Variants in EFCAB6 observed in about 807,000 individuals in gnomAD.
The protein encoded by EFCAB6 is EF-hand calcium-binding domain-containing protein 6.
A neutral mutation model predicts 169.8 loss-of-function variants in EFCAB6; 156 were observed. The observed-to-expected ratio is 0.92, with a 90% CI of 0.81 to 1.05. The LOEUF is 1.05. EFCAB6 is among the 50% of genes least tolerant of loss of function. The pLI, the probability that EFCAB6 is intolerant of heterozygous loss-of-function variation, is 0.00. For synonymous variants in EFCAB6, 698 were observed against 676.4 expected (o/e 1.03, Z -0.50); for missense variants, 1,800 against 1,829.1 (o/e 0.98, Z 0.29).
intron 30 of EFCAB6, among the ~76,000 whole-genome samples, chr22:43,534,039 G>C (rs1332397551): frequency 6.6e-6 from 1 of 152,212 alleles, no homozygotes; most frequent in Non-Finnish European, 1.5e-5. Context: ...GATTGCTTGA[G>C]CCCAGGAGTT....
intron 6 of EFCAB6, among the ~76,000 whole-genome samples, chr22:43,736,839 C>T (rs143925647): frequency 2.0e-5 from 3 of 152,068 alleles, no homozygotes; most frequent in Non-Finnish European, 4.4e-5. Flanking sequence ...CTTGTTATTA[C>T]GAAGGACTGC....
At chr22:43,743,645 G>T (rs2060449912) in intron 6 of EFCAB6, among the ~76,000 whole-genome samples, 1 of 152,174 alleles carries the variant, frequency 6.6e-6, no homozygotes, top group Non-Finnish European at 1.5e-5. Context: ...GGGATCAAAG[G>T]CTAAGAATAG....
At chr22:43,691,342 T>G (rs1186975420) in intron 10 of EFCAB6, among the ~76,000 whole-genome samples, 1 of 152,212 alleles carries the variant, frequency 6.6e-6, no homozygotes, top group Non-Finnish European at 1.5e-5. Context: ...AAACTATAGC[T>G]GCTATGAAAA....
At chr22:43,656,476 T>C (rs543338790) in intron 17 of EFCAB6, among the ~76,000 whole-genome samples, 31 of 152,214 alleles carry the variant, frequency 2.0e-4, no homozygotes, top group African/African-American at 6.3e-4. Context: ...ATGAACCCAA[T>C]TGACATGCTG....
At chr22:43,614,648 A>G (rs189819600) in intron 21 of EFCAB6, among the ~76,000 whole-genome samples, 2 of 152,338 alleles carry the variant, frequency 1.3e-5, no homozygotes, top group East Asian at 3.9e-4. Flanking sequence ...GCTGCTCTGA[A>G]AGTGGGCCAC....
chr22:43,593,814 A>G (rs981182210), intron 23 of EFCAB6, among the ~76,000 whole-genome samples: 12 of 152,210 alleles, frequency 7.9e-5, no homozygotes, highest in African/African-American at 2.4e-4. Flanking sequence ...CAAACAGGTA[A>G]GAGCAAGATG....
intron 17 of EFCAB6, among the ~76,000 whole-genome samples, chr22:43,646,813 C>T (rs2056186517): frequency 6.6e-6 from 1 of 152,124 alleles, no homozygotes; most frequent in Non-Finnish European, 1.5e-5. Flanking sequence ...CTTTTTTATT[C>T]TACCCAAAGT....
intron 2 of EFCAB6, among the ~76,000 whole-genome samples, chr22:43,800,144 A>G (rs1024671145): frequency 6.6e-6 from 1 of 152,238 alleles, no homozygotes; most frequent in Non-Finnish European, 1.5e-5. Flanking sequence ...CACATGCTGT[A>G]GGAGGTTTGT....
chr22:43,577,209 AT>A (rs966158654), intron 25 of EFCAB6, among the ~76,000 whole-genome samples: 5 of 152,150 alleles, frequency 3.3e-5, no homozygotes, highest in African/African-American at 7.2e-5. Context: ...AAGAAAGCAC[AT>A]TTTTTTCCAT....
chr22:43,583,380 T>C (rs776412701), intron 24 of EFCAB6, among the ~76,000 whole-genome samples: 2 of 151,716 alleles, frequency 1.3e-5, no homozygotes, highest in Non-Finnish European at 2.9e-5. Flanking sequence ...CCTGTTGCAA[T>C]AGTCGTTTCA....
intron 17 of EFCAB6, among the ~76,000 whole-genome samples, chr22:43,666,154 T>C (rs2057237524): frequency 6.6e-6 from 1 of 152,182 alleles, no homozygotes; most frequent in Non-Finnish European, 1.5e-5. Flanking sequence ...TGAGTCCTTC[T>C]TGAATCTATT....
At chr22:43,743,359 T>C (rs1302063543) in intron 6 of EFCAB6, among the ~76,000 whole-genome samples, 1 of 152,194 alleles carries the variant, frequency 6.6e-6, no homozygotes, top group African/African-American at 2.4e-5. Context: ...CCTCTTTGCC[T>C]CCTTCCTCTC....
rs753037765 is a variant in EFCAB6 at position 43,796,315 on chromosome 22, G to A, written c.-8+12680C>T. Among the ~76,000 whole-genome samples, 54 of 151,958 alleles carry A rather than the reference G, an allele frequency of 3.6e-4. 1 individual carries two copies. The highest frequency in any genetic ancestry group is 9.2e-4 in the Admixed American group (14 of 15,230). On this transcript the variant is annotated intron_variant, in intron 2 of 31. Coordinates refer to ENST00000262726, the MANE Select transcript of EFCAB6 (RefSeq NM_022785.4). ...TCGGGTTTGATCATGTGCTCAGCAC[G>A]TCAACCTCCAAAAAATGATGAATGT...
chr22:43,761,008 C>T (rs2061145537), intron 5 of EFCAB6, among the ~76,000 whole-genome samples: 1 of 152,210 alleles, frequency 6.6e-6, no homozygotes, highest in African/African-American at 2.4e-5. Flanking sequence ...GTGCTAGACA[C>T]AAAATATCAG....
intron 5 of EFCAB6, among the ~76,000 whole-genome samples, chr22:43,756,159 C>T (rs2060950378): frequency 6.6e-6 from 1 of 152,152 alleles, no homozygotes; most frequent in East Asian, 1.9e-4. Context: ...CTCTCAACAG[C>T]TCTATGGATT....
intron 9 of EFCAB6, among the ~76,000 whole-genome samples, chr22:43,713,246 G>A (rs868699359): frequency 1.3e-5 from 2 of 152,272 alleles, no homozygotes; most frequent in Middle Eastern, 3.4e-3. Flanking sequence ...TACGAGCAGA[G>A]ATCGTATCTG....
chr22:43,626,872 G>A (rs1259549843), intron 19 of EFCAB6, among the ~76,000 whole-genome samples, 193 bp from the exon 20 acceptor site: 1 of 152,096 alleles, frequency 6.6e-6, no homozygotes, highest in East Asian at 1.9e-4. Flanking sequence ...AAATTATAAA[G>A]CTCTCCAGCT....
At chr22:43,729,722 C>T (rs780866414) in intron 8 of EFCAB6, among the ~76,000 whole-genome samples, 1 of 151,538 alleles carries the variant, frequency 6.6e-6, no homozygotes, top group African/African-American at 2.4e-5. Context: ...AGATGATAAA[C>T]CAACAAAATA....
Position 43,711,605 on chromosome 22 carries a change from T to C in EFCAB6, c.901A>G (p.Lys301Glu). 1 of 1,582,994 alleles carries C rather than the reference T, an allele frequency of 6.3e-7. No individual in the cohort carries two copies. Among genetic ancestry groups the C allele is most frequent in the Non-Finnish European group, 8.5e-7 (1 of 1,172,554 alleles). Reference sequence around the variant, plus strand: ...CCTGCACTGAGGGCCTTTTCAACCTTTTCATAAGACTTCGAAAGCTGCAAT... The same window carrying C: ...CCTGCACTGAGGGCCTTTTCAACCTCTTCATAAGACTTCGAAAGCTGCAAT... ...FCLQLSKSYE[K>E]VEKALSAGDP... The change falls in exon 10 of 32, where the codon AAG becomes GAG. Residue 301 changes from lysine (K) to glutamate (E), a missense_variant. By Grantham distance (56) the Lys-to-Glu change is moderately conservative. Coordinates refer to ENST00000262726, the MANE Select transcript of EFCAB6 (RefSeq NM_022785.4).
Sources: gnomAD v4.1 joint callset for allele counts (sites outside exome capture counted in the v4.1 genomes callset) on GRCh38, gnomAD v4.1.1 for gene constraint, MANE v1.5 for transcripts, NCBI Gene and HGNC (gene_info 2026-07-23, HGNC 2026-07-21) for gene names.